EGFR: variants seen among roughly 807,000 people sequenced by gnomAD.
The protein encoded by EGFR is avian erythroblastic leukemia viral (v-erb-b) oncogene homolog.
A neutral mutation model predicts 143.0 loss-of-function variants in EGFR; 58 were observed. The observed-to-expected ratio is 0.41, with a 90% CI of 0.33 to 0.50. The LOEUF (loss-of-function observed/expected upper bound fraction) is 0.50, where lower values mean the gene tolerates loss of function less well. EGFR is among the 20% of genes least tolerant of loss of function. EGFR has a pLI of 0.39. For synonymous variants in EGFR, 613 were observed against 594.4 expected, an observed-to-expected ratio of 1.03 and a Z score of -0.45; for missense variants, 1,307 against 1,579.0, an observed-to-expected ratio of 0.83 and a Z score of 2.92.
At chr7:55,194,646 C>T (rs1358053230) in intron 22 of EGFR, among the ~76,000 whole-genome samples, 1 of 152,216 alleles carries the variant, frequency 6.6e-6, no homozygotes, top group Non-Finnish European at 1.5e-5. Flanking sequence ...AGGTCCCCCT[C>T]CCGTCACGCT....
chr7:55,203,285 C>T (rs993788638), intron 27 of EGFR, among the ~76,000 whole-genome samples: 20 of 148,272 alleles, frequency 1.3e-4, no homozygotes, highest in Admixed American at 1.2e-3. Context: ...ACCACAAAAA[C>T]CCCACACACA....
intron 1 of EGFR, among the ~76,000 whole-genome samples, chr7:55,020,414 A>C (rs1416305862): frequency 6.6e-6 from 1 of 152,232 alleles, no homozygotes; most frequent in Non-Finnish European, 1.5e-5. Context: ...GAAGCCCCGG[A>C]AGCAGAGCTC....
chr7:55,064,324 A>C (rs902336556), intron 1 of EGFR, among the ~76,000 whole-genome samples: 6 of 152,216 alleles, frequency 3.9e-5, no homozygotes, highest in Non-Finnish European at 8.8e-5. Flanking sequence ...CCATTCACAC[A>C]TGGAAAATAA....
At chr7:55,072,562 T>C (rs79984390) in intron 1 of EGFR, among the ~76,000 whole-genome samples, 2,795 of 152,332 alleles carry the variant, frequency 0.018, 90 homozygotes, top group African/African-American at 0.063. Flanking sequence ...CGTTCCCTTT[T>C]TTAGGGAAGT....
At chr7:55,128,714 G>A (rs1277134909) in intron 1 of EGFR, among the ~76,000 whole-genome samples, 1 of 152,084 alleles carries the variant, frequency 6.6e-6, no homozygotes, top group Non-Finnish European at 1.5e-5. Flanking sequence ...TCAGAAAATG[G>A]GTTTTCTACA....
chr7:55,086,742 G>T (rs1384252927), intron 1 of EGFR, among the ~76,000 whole-genome samples: 1 of 152,338 alleles, frequency 6.6e-6, no homozygotes, highest in Admixed American at 6.5e-5. Context: ...GCGGCAGCTG[G>T]CAGCCCCATG....
intron 15 of EGFR, among the ~76,000 whole-genome samples, chr7:55,169,503 A>G (rs1055509536): frequency 6.6e-6 from 1 of 152,156 alleles, no homozygotes; most frequent in African/African-American, 2.4e-5. Flanking sequence ...AAATTTGCCT[A>G]TTTTAATTAT....
chr7:55,200,444 A>G (rs2128970095), intron 24 of EGFR, 31 bp downstream of exon 24: 6 of 1,596,934 alleles, frequency 3.8e-6, no homozygotes, highest in Non-Finnish European at 5.2e-6. Flanking sequence ...TTCCATTGGG[A>G]AGAGTCCCTC....
intron 1 of EGFR, among the ~76,000 whole-genome samples, chr7:55,061,066 T>G (rs1292820563): frequency 1.3e-5 from 2 of 152,244 alleles, no homozygotes; most frequent in African/African-American, 2.4e-5. Context: ...CCCATGCGCC[T>G]GCTCTTCATG....
chr7:55,136,150 T>A (rs779398444), intron 1 of EGFR, among the ~76,000 whole-genome samples: 2 of 152,226 alleles, frequency 1.3e-5, no homozygotes, highest in Non-Finnish European at 2.9e-5. Context: ...TGACCGGTCC[T>A]GATTCAATGA....
At position 55,209,324 on chromosome 7, in the gene EGFR, T is replaced by C. The variant is rs899460120; in HGVS notation, c.*3707T>C. 6.6e-6 allele frequency: 1 copy of C among 152,090 alleles called. No individual in the cohort carries two copies. The highest frequency in any genetic ancestry group is 1.5e-5 in the Non-Finnish European group (1 of 68,034). 9.4% of individuals were successfully genotyped at this position (152,090 alleles called of 1,614,324 possible). A position where few individuals can be genotyped will look rare whatever the true frequency, so the allele number is the denominator to read the frequency against. ...TTCCCATGTGCAGTGGAGAGAACAATCTGCAGTCACTGATAAGCCTGAGAC... is the reference window on the plus strand; with the variant it reads ...TTCCCATGTGCAGTGGAGAGAACAACCTGCAGTCACTGATAAGCCTGAGAC... On this transcript the variant is annotated 3_prime_UTR_variant, in exon 28 of 28. Transcript: ENST00000275493.
At chr7:55,093,799 T>G (rs745852099) in intron 1 of EGFR, among the ~76,000 whole-genome samples, 3 of 152,216 alleles carry the variant, frequency 2.0e-5, no homozygotes, top group African/African-American at 2.4e-5. Flanking sequence ...ATCCGAGGTC[T>G]CACTTCCATA....
At chr7:55,042,709 G>T (rs995629641) in intron 1 of EGFR, among the ~76,000 whole-genome samples, 1 of 152,056 alleles carries the variant, frequency 6.6e-6, no homozygotes, top group Admixed American at 6.6e-5. Context: ...ACATATAGGG[G>T]AATCAAAAGA....
At chr7:55,186,677 C>T (rs1787151835) in intron 20 of EGFR, among the ~76,000 whole-genome samples, 1 of 152,238 alleles carries the variant, frequency 6.6e-6, no homozygotes, top group Non-Finnish European at 1.5e-5. Context: ...CATTCATCAT[C>T]TTTAGACATT....
intron 1 of EGFR, among the ~76,000 whole-genome samples, chr7:55,098,473 A>ACTT (rs1791609690): frequency 6.6e-6 from 1 of 152,152 alleles, no homozygotes; most frequent in South Asian, 2.1e-4. Flanking sequence ...GCTTTAAAAA[A>ACTT]CTTTACTATA....
intron 25 of EGFR, 82 bp from the exon 26 acceptor site, chr7:55,201,653 G>A (rs2128972353): frequency 2.6e-6 from 4 of 1,534,212 alleles, no homozygotes; most frequent in Admixed American, 1.7e-5. Flanking sequence ...TACCCTCCAT[G>A]AGGCACACCA....
intron 6 of EGFR, 136 bp downstream of exon 6, chr7:55,152,800 T>C: frequency 1.4e-6 from 1 of 709,194 alleles, no homozygotes; most frequent in Non-Finnish European, 2.4e-6. Flanking sequence ...GCCCTCTGCC[T>C]GGTGACAAAG....
In EGFR at chr7:55,159,820, T is replaced by G. The variant is rs150856397; in HGVS notation, c.1299-319T>G. ...CACCTTTGAAGTGTATTTGGCTGTTTGAGAGGTTAGAATATGTTCTCAATT... is the reference window on the plus strand; with the variant it reads ...CACCTTTGAAGTGTATTTGGCTGTTGGAGAGGTTAGAATATGTTCTCAATT... On this transcript the variant is annotated intron_variant, in intron 11 of 27. Transcript: ENST00000275493. Among the ~76,000 whole-genome samples, 100 of 152,338 alleles carry G rather than the reference T, an allele frequency of 6.6e-4. 1 individual carries two copies. Among genetic ancestry groups the G allele is most frequent in the African/African-American group, 2.3e-3 (97 of 41,588 alleles).
In EGFR at chr7:55,198,767, A is replaced by T. The variant is rs1321754240; in HGVS notation, c.2752A>T (p.Ile918Phe). Residue 918 changes from isoleucine to phenylalanine, a missense_variant, in exon 23 of 28, where the codon ATC (isoleucine) becomes TTC (phenylalanine). Ile to Phe is a conservative substitution (Grantham distance 21). Coordinates refer to ENST00000275493, the MANE Select transcript of EGFR (RefSeq NM_005228.5). Reference sequence around the variant, plus strand: ...CTTTGGATCCAAGCCATATGACGGAATCCCTGCCAGCGAGATCTCCTCCAT... The same window carrying T: ...CTTTGGATCCAAGCCATATGACGGATTCCCTGCCAGCGAGATCTCCTCCAT... ...MTFGSKPYDG[I>F]PASEISSILE... 8 of 1,614,164 alleles carry T rather than the reference A, an allele frequency of 5.0e-6. No individual in the cohort carries two copies. The South Asian group carries it at 8.8e-5, about 18-fold the overall frequency.
Sources: allele counts gnomAD v4.1 joint callset (sites outside exome capture counted in the v4.1 genomes callset), GRCh38; gene constraint gnomAD v4.1.1; transcripts MANE v1.5; gene names NCBI Gene and HGNC (gene_info 2026-07-23, HGNC 2026-07-21).